LYPD6B: variants seen among roughly 807,000 people sequenced by gnomAD.
LYPD6B encodes ly6/PLAUR domain-containing protein 6B.
A neutral mutation model predicts 22.8 loss-of-function variants in LYPD6B; 17 were observed. The ratio of observed to expected loss-of-function variants is 0.75; its 90% confidence interval spans 0.51 to 1.12. LYPD6B has a LOEUF of 1.12. Ranked by LOEUF, LYPD6B falls within the 50% of genes most tolerant of loss-of-function variation. The probability of loss-of-function intolerance (pLI) is 0.00; values close to 1 mark genes in which losing one functional copy is unlikely to be tolerated. For missense variants in LYPD6B, 221 were observed against 258.3 expected, an observed-to-expected ratio of 0.86 and a Z score of 0.99; for synonymous variants, 106 against 91.6, an observed-to-expected ratio of 1.16 and a Z score of -0.90.
At chr2:149,174,989 ATATAAT>A (rs1691165242) in intron 3 of LYPD6B, among the ~76,000 whole-genome samples, 1 of 151,848 alleles carries the variant, frequency 6.6e-6, no homozygotes, top group Non-Finnish European at 1.5e-5. Context: ...GGGAAGAGAT[ATATAAT>A]TATAATACTC....
At chr2:149,054,296 G>A (rs1288698108) in intron 1 of LYPD6B, among the ~76,000 whole-genome samples, 1 of 152,136 alleles carries the variant, frequency 6.6e-6, no homozygotes, top group Admixed American at 6.5e-5. Context: ...ATTCTGGTAG[G>A]TGTGAAGTAA....
intron 1 of LYPD6B, among the ~76,000 whole-genome samples, chr2:149,042,196 C>T (rs1019331071): frequency 6.6e-6 from 1 of 152,188 alleles, no homozygotes; most frequent in African/African-American, 2.4e-5. Flanking sequence ...ATGCTAAGTC[C>T]AAAGAGCGAT....
chr2:149,088,173 A>G (rs1399603896), intron 1 of LYPD6B, among the ~76,000 whole-genome samples: 1 of 151,048 alleles, frequency 6.6e-6, no homozygotes, highest in Non-Finnish European at 1.5e-5. Context: ...GTATGTCCCA[A>G]GCTTCTTCTC....
At chr2:149,090,571 C>T (rs988624331) in intron 1 of LYPD6B, among the ~76,000 whole-genome samples, 3 of 152,046 alleles carry the variant, frequency 2.0e-5, no homozygotes, top group Non-Finnish European at 4.4e-5. Context: ...TTAAACCAGA[C>T]TTACCAAAGT....
intron 1 of LYPD6B, among the ~76,000 whole-genome samples, chr2:149,129,670 G>T (rs1009195644): frequency 6.6e-6 from 1 of 152,216 alleles, no homozygotes; most frequent in African/African-American, 2.4e-5. Context: ...GAGTTATAAT[G>T]CTTTTCCTGT....
At chr2:149,168,216 A>G (rs987816024) in intron 3 of LYPD6B, among the ~76,000 whole-genome samples, 2 of 150,552 alleles carry the variant, frequency 1.3e-5, no homozygotes, top group South Asian at 4.2e-4. Flanking sequence ...TGTCTCAAAA[A>G]AAAAAAAAAA....
chr2:149,042,185 GATGCTAAGTCCAA>G (rs558146224), intron 1 of LYPD6B, among the ~76,000 whole-genome samples: 18 of 152,348 alleles, frequency 1.2e-4, no homozygotes, highest in African/African-American at 1.9e-4. Flanking sequence ...CAATTCTCCT[GATGCTAAGTCCAA>G]AGAGCGATAA....
chr2:149,173,793 T>C (rs911180226), intron 3 of LYPD6B, among the ~76,000 whole-genome samples: 10 of 152,040 alleles, frequency 6.6e-5, no homozygotes, highest in African/African-American at 2.2e-4. Context: ...ACCAGCTACT[T>C]ATCTGCACAT....
At chr2:149,197,867 A>G (rs1345002488) in intron 3 of LYPD6B, among the ~76,000 whole-genome samples, 1 of 152,158 alleles carries the variant, frequency 6.6e-6, no homozygotes, top group African/African-American at 2.4e-5. Flanking sequence ...TCATTTATGG[A>G]AACAAACAGG....
chr2:149,069,359 G>C (rs1684491362), intron 1 of LYPD6B, among the ~76,000 whole-genome samples: 1 of 152,124 alleles, frequency 6.6e-6, no homozygotes, highest in African/African-American at 2.4e-5. Context: ...TGGCGACATA[G>C]ACTGTGTATA....
intron 1 of LYPD6B, among the ~76,000 whole-genome samples, chr2:149,130,264 CG>C (rs1687943933): frequency 6.6e-6 from 1 of 152,086 alleles, no homozygotes; most frequent in Non-Finnish European, 1.5e-5. Context: ...AGATGTATGA[CG>C]TTTTTATTAT....
intron 5 of LYPD6B, among the ~76,000 whole-genome samples, chr2:149,210,858 T>C (rs1423728649): frequency 1.3e-5 from 2 of 152,200 alleles, no homozygotes; most frequent in African/African-American, 2.4e-5. Flanking sequence ...GCTACTCTTG[T>C]AGGACACTCT....
intron 1 of LYPD6B, among the ~76,000 whole-genome samples, chr2:149,129,230 T>C (rs1687879309): frequency 6.6e-6 from 1 of 152,218 alleles, no homozygotes; most frequent in Non-Finnish European, 1.5e-5. Flanking sequence ...GAAAGTCATC[T>C]CCTATAGACT....
chr2:149,162,139 A>G (rs746858101), intron 3 of LYPD6B, among the ~76,000 whole-genome samples: 1 of 152,184 alleles, frequency 6.6e-6, no homozygotes, highest in Non-Finnish European at 1.5e-5. Context: ...ACAGTGTTAA[A>G]CAGTGTCAGG....
intron 1 of LYPD6B, among the ~76,000 whole-genome samples, chr2:149,058,877 C>T (rs1304422335): frequency 1.3e-5 from 2 of 152,252 alleles, no homozygotes; most frequent in Admixed American, 1.3e-4. Flanking sequence ...GCCCTAGCCT[C>T]CCAAAGTGCT....
At chr2:149,074,286 A>C (rs1574918718) in intron 1 of LYPD6B, among the ~76,000 whole-genome samples, 1 of 147,092 alleles carries the variant, frequency 6.8e-6, no homozygotes, top group Non-Finnish European at 1.5e-5. Flanking sequence ...ACACACACAC[A>C]CACGCACATG....
chr2:149,160,631 G>A (rs2105881819), intron 2 of LYPD6B, 133 bp from the exon 3 acceptor site: 1 of 700,070 alleles, frequency 1.4e-6, no homozygotes, highest in East Asian at 2.7e-5. Flanking sequence ...TCAATTGACT[G>A]TATTGCTGTT....
intron 1 of LYPD6B, among the ~76,000 whole-genome samples, chr2:149,076,469 C>T (rs1191970943): frequency 6.6e-6 from 1 of 152,066 alleles, no homozygotes; most frequent in Non-Finnish European, 1.5e-5. Flanking sequence ...GAATGGTTGA[C>T]ACACAGAAAA....
In LYPD6B at chr2:149,134,845, G is replaced by A. The variant is rs1271135903; in HGVS notation, c.5+3892G>A. 2.6e-5 allele frequency among the ~76,000 whole-genome samples: 4 copies of A among 152,302 alleles called. No individual in the cohort carries two copies. In the South Asian group the frequency reaches 6.2e-4, roughly 24 times the overall value. The stretch of plus-strand genomic sequence containing the variant: ...CTGGTGTGCTGGAACAAAGAGTAGC[G>A]AGGCATGCAAGGTTAAGAGCATGCT... On this transcript the variant is annotated intron_variant, in intron 2 of 6. Coordinates refer to ENST00000409642, the MANE Select transcript of LYPD6B (RefSeq NM_177964.5).
Sources: gnomAD v4.1 joint callset for allele counts (sites outside exome capture counted in the v4.1 genomes callset) on GRCh38, gnomAD v4.1.1 for gene constraint, MANE v1.5 for transcripts, NCBI Gene and HGNC (gene_info 2026-07-23, HGNC 2026-07-21) for gene names.